Variants in SLC25A26 observed in about 807,000 individuals in gnomAD.
SLC25A26 encodes the protein mitochondrial S-adenosylmethionine carrier protein.
A neutral mutation model predicts 37.8 loss-of-function variants in SLC25A26; 36 were observed. That is an observed-to-expected ratio of 0.95 (90% CI 0.73 to 1.26). The LOEUF is 1.26. Among genes scored for constraint, SLC25A26 ranks in the 50% most tolerant of loss-of-function variants. The pLI, the probability that SLC25A26 is intolerant of heterozygous loss-of-function variation, is 0.00. For synonymous variants in SLC25A26, 129 were observed against 122.5 expected, an observed-to-expected ratio of 1.05 and a Z score of -0.35; for missense variants, 390 against 331.1, an observed-to-expected ratio of 1.18 and a Z score of -1.38.
intron 5 of SLC25A26, 135 bp from the exon 6 acceptor site, chr3:66,346,229 T>A: frequency 2.1e-6 from 1 of 471,810 alleles, no homozygotes. Flanking sequence ...AAACATTATG[T>A]CTACTATAAC....
At chr3:66,328,436 A>C (rs1377379709) in intron 5 of SLC25A26, among the ~76,000 whole-genome samples, 1 of 152,176 alleles carries the variant, frequency 6.6e-6, no homozygotes, top group East Asian at 1.9e-4. Context: ...AATAAATAGG[A>C]GATCAGCTGT....
intron 1 of SLC25A26, among the ~76,000 whole-genome samples, chr3:66,200,092 T>A (rs935495553): frequency 6.6e-6 from 1 of 152,274 alleles, no homozygotes; most frequent in Non-Finnish European, 1.5e-5. Context: ...TAATATGATC[T>A]ATTACAATGA....
intron 1 of SLC25A26, among the ~76,000 whole-genome samples, chr3:66,168,616 A>C (rs2070456763): frequency 6.6e-6 from 1 of 152,200 alleles, no homozygotes; most frequent in Non-Finnish European, 1.5e-5. Context: ...TTCTTCCAAA[A>C]ATAAGCTTGT....
chr3:66,376,830 T>C (rs1337052402), intron 9 of SLC25A26, among the ~76,000 whole-genome samples: 3 of 152,206 alleles, frequency 2.0e-5, no homozygotes, highest in Admixed American at 6.5e-5. Flanking sequence ...GCATTCAGTT[T>C]AGGGCTTAAG....
chr3:66,346,423 C>G lies in SLC25A26; in HGVS notation c.498+15C>G, dbSNP rs1342452804. ...AGTCCTTAAAAGTAAGTTTCTCAGTCTTCACATAAAATTTGTCTCTAATTA... is the reference window on the plus strand; with the variant it reads ...AGTCCTTAAAAGTAAGTTTCTCAGTGTTCACATAAAATTTGTCTCTAATTA... On this transcript the variant is annotated intron_variant, in intron 6 of 9. Transcript: ENST00000354883. 1.1e-5 allele frequency: 15 copies of G among 1,385,196 alleles called. No individual in the cohort carries two copies. Among genetic ancestry groups the G allele is most frequent in the Non-Finnish European group, 1.5e-5 (15 of 1,027,150 alleles). The allele number at this position is 1,385,196 out of a possible 1,614,324, so 85.8% of individuals were successfully genotyped here.
In SLC25A26 at chr3:66,226,481, C is replaced by CT. The variant is rs375300790; in HGVS notation, c.33+5364dup. Among the ~76,000 whole-genome samples the CT allele has an allele frequency of 5.8e-3, 863 of 148,974 alleles. 7 individuals carry two copies. Among genetic ancestry groups the CT allele is most frequent in the African/African-American group, 0.017 (698 of 40,814 alleles). On this transcript the variant is annotated intron_variant, in intron 1 of 9. Transcript: ENST00000354883. ...CAAACCATTTCATGTGCGTTCTTTTCTTTTTTTTTTGAGACAAGGTCTTCC... is the reference window on the plus strand; with the variant it reads ...CAAACCATTTCATGTGCGTTCTTTTCTTTTTTTTTTTGAGACAAGGTCTTCC...
At chr3:66,288,191 A>C (rs2074578331) in intron 5 of SLC25A26, among the ~76,000 whole-genome samples, 1 of 152,214 alleles carries the variant, frequency 6.6e-6, no homozygotes, top group Admixed American at 6.5e-5. Flanking sequence ...AGTACTGACA[A>C]GATAAGAACA....
intron 5 of SLC25A26, among the ~76,000 whole-genome samples, chr3:66,281,439 T>C (rs1359896748): frequency 6.6e-6 from 1 of 152,238 alleles, no homozygotes; most frequent in African/African-American, 2.4e-5. Flanking sequence ...ACATTGGTGA[T>C]TGCAAAATAA....
In SLC25A26 at chr3:66,225,412, G is replaced by A. The variant is rs986607641; in HGVS notation, c.33+4285G>A. Among the ~76,000 whole-genome samples, 6 of 152,134 alleles carry A rather than the reference G, an allele frequency of 3.9e-5. No homozygotes were observed. The South Asian group carries it at 6.2e-4, about 16-fold the overall frequency. ...CTCTACCTTGGCCCCTTCTAGCCAC[G>A]GCTGTAATGGCTGGGACACAGGGCA... On this transcript the variant is annotated intron_variant, in intron 1 of 9. Coordinates refer to ENST00000354883, the MANE Select transcript of SLC25A26 (RefSeq NM_001379210.1).
At chr3:66,301,457 G>C (rs1276903016) in intron 5 of SLC25A26, among the ~76,000 whole-genome samples, 1 of 152,172 alleles carries the variant, frequency 6.6e-6, no homozygotes, top group East Asian at 1.9e-4. Context: ...TATGCCTTTT[G>C]ACTTCCATGC....
At chr3:66,237,052 G>T (rs1246113712) in intron 2 of SLC25A26, among the ~76,000 whole-genome samples, 3 of 152,072 alleles carry the variant, frequency 2.0e-5, no homozygotes, top group African/African-American at 4.8e-5. Context: ...GTCTAGGCTG[G>T]TCTTGAACTC....
At chr3:66,177,242 G>A (rs1176078930) in intron 1 of SLC25A26, among the ~76,000 whole-genome samples, 2 of 152,214 alleles carry the variant, frequency 1.3e-5, no homozygotes, top group African/African-American at 4.8e-5. Context: ...TCTCTGCCCT[G>A]CAGAATGTTG....
intron 2 of SLC25A26, among the ~76,000 whole-genome samples, chr3:66,237,679 A>G (rs1041421752): frequency 2.0e-5 from 3 of 152,200 alleles, no homozygotes; most frequent in Non-Finnish European, 2.9e-5. Flanking sequence ...TTCTTGGTAT[A>G]CTGTTTGCAG....
chr3:66,358,167 T>C (rs936673763), intron 6 of SLC25A26, among the ~76,000 whole-genome samples: 3 of 152,252 alleles, frequency 2.0e-5, no homozygotes, highest in Non-Finnish European at 2.9e-5. Context: ...GTATTTTGTT[T>C]ATTACAATTC....
At chr3:66,214,072 A>G (rs1485325435) in intron 1 of SLC25A26, among the ~76,000 whole-genome samples, 3 of 152,104 alleles carry the variant, frequency 2.0e-5, no homozygotes, top group African/African-American at 7.2e-5. Context: ...TCCCTTCCCA[A>G]TCTCATGTTG....
chr3:66,210,379 C>T (rs2071268126), intron 1 of SLC25A26, among the ~76,000 whole-genome samples: 1 of 152,030 alleles, frequency 6.6e-6, no homozygotes, highest in African/African-American at 2.4e-5. Context: ...TAGGAAGCCA[C>T]ATTAAGTTGA....
chr3:66,256,597 C>T (rs895527449), intron 3 of SLC25A26, among the ~76,000 whole-genome samples: 1 of 151,834 alleles, frequency 6.6e-6, no homozygotes. Context: ...TATGTAGAGG[C>T]AAAACAAAAA....
rs1228112255 is a variant in SLC25A26, at chr3:66,201,367, C to G, written c.-353-19375C>G. On this transcript the variant is annotated intron_variant, in intron 1 of 10. Transcript: ENST00000676754. ...ATATAATTTTTTTTAAAGACAGGGT[C>G]TGTCACCCAGGCTGGAGTGCAGTGG... Among the ~76,000 whole-genome samples, 4 of 151,894 alleles carry G rather than the reference C, an allele frequency of 2.6e-5. No individual in the cohort carries two copies. The East Asian group carries it at 7.7e-4, about 29-fold the overall frequency.
At chr3:66,197,546 G>A (rs2071061490) in intron 1 of SLC25A26, among the ~76,000 whole-genome samples, 1 of 152,094 alleles carries the variant, frequency 6.6e-6, no homozygotes, top group African/African-American at 2.4e-5. Context: ...ATAAGGATGA[G>A]GATTGAAATA....
Sources: allele counts gnomAD v4.1 joint callset (sites outside exome capture counted in the v4.1 genomes callset), GRCh38; gene constraint gnomAD v4.1.1; transcripts MANE v1.5; gene names NCBI Gene and HGNC (gene_info 2026-07-23, HGNC 2026-07-21).